KIF20B: variants seen among roughly 807,000 people sequenced by gnomAD.
KIF20B encodes kinesin-like protein KIF20B.
A neutral mutation model predicts 232.5 loss-of-function variants in KIF20B; 188 were observed. That is an observed-to-expected ratio of 0.81 (90% CI 0.72 to 0.91). The LOEUF is 0.91. Ranked by LOEUF, KIF20B falls within the 40% of genes least tolerant of loss-of-function variation. KIF20B has a pLI of 0.00. For synonymous variants in KIF20B, 712 were observed against 683.0 expected, an observed-to-expected ratio of 1.04 and a Z score of -0.66; for missense variants, 2,154 against 2,055.9, an observed-to-expected ratio of 1.05 and a Z score of -0.92.
intron 2 of KIF20B, 76 bp from the exon 3 acceptor site, chr10:89,709,091 G>A (rs1029605888): frequency 1.1e-6 from 1 of 915,858 alleles, no homozygotes; most frequent in Non-Finnish European, 1.8e-6. Context: ...GTAAAAAGTA[G>A]CCATGTTAAG....
chr10:89,738,367 G>T lies in KIF20B; in HGVS notation c.3526G>T (p.Glu1176Ter). The change falls in exon 20 of 33, where the codon GAA (glutamate) becomes TAA (stop). Residue 1176 changes from glutamate (E) to a stop codon, truncating the protein, a stop_gained. Coordinates refer to ENST00000371728, the MANE Select transcript of KIF20B (RefSeq NM_001284259.2). LOFTEE classifies it high-confidence loss of function. ...LETILETQKV[E>*]CSHSAKLEQD... The stretch of plus-strand genomic sequence containing the variant: ...AACAATTTTAGAGACTCAGAAAGTT[G>T]AATGTAGTCATTCAGCCAAGTTAGA... 1 of 1,609,244 alleles carries T rather than the reference G, an allele frequency of 6.2e-7. No individual in the cohort carries two copies. The highest frequency in any genetic ancestry group is 1.1e-5 in the South Asian group (1 of 89,512).
intron 31 of KIF20B, among the ~76,000 whole-genome samples, chr10:89,770,581 C>T (rs1433514517): frequency 6.6e-6 from 1 of 151,872 alleles, no homozygotes; most frequent in Non-Finnish European, 1.5e-5. Context: ...TAACAGCTTC[C>T]CTACCAATGC....
chr10:89,739,660 CTTTT>C (rs200053232), intron 21 of KIF20B, among the ~76,000 whole-genome samples: 2 of 139,738 alleles, frequency 1.4e-5, no homozygotes, highest in African/African-American at 5.2e-5. Flanking sequence ...GATTGGAGCA[CTTTT>C]TTTTTTTTTT....
In KIF20B at chr10:89,717,661, A is replaced by T. The variant is rs372350190; in HGVS notation, c.1210A>T (p.Asn404Tyr). 8.1e-6 allele frequency: 13 copies of T among 1,610,036 alleles called. No individual in the cohort carries two copies. The highest frequency in any genetic ancestry group is 1.1e-5 in the Non-Finnish European group (13 of 1,176,938). ...AAGGTTAAGAGAGACTGGGAATATC[A>T]ACACTTCTTTATTGACTCTGGGAAA... The part of the protein sequence containing the change: ...GERLRETGNI[N>Y]TSLLTLGKCI... The change falls in exon 11 of 33, where the codon AAC (asparagine) becomes TAC (tyrosine). Residue 404 changes from asparagine (N) to tyrosine (Y), a missense_variant. Physicochemically the swap from Asn to Tyr is moderately radical, Grantham distance 143. Transcript: ENST00000371728.
chr10:89,739,125 G>C (rs751354413), intron 21 of KIF20B, 29 bp downstream of exon 21: 4 of 1,602,504 alleles, frequency 2.5e-6, no homozygotes, highest in Non-Finnish European at 3.4e-6. Context: ...TATGTGGCCA[G>C]TTTATGATAA....
chr10:89,715,948 G>A (rs904909167), intron 8 of KIF20B, among the ~76,000 whole-genome samples: 6 of 151,994 alleles, frequency 3.9e-5, no homozygotes, highest in South Asian at 2.1e-4. Flanking sequence ...CCATGATCAC[G>A]CCTTTGCACT....
chr10:89,738,575 TA>T lies in KIF20B; in HGVS notation c.3738del (p.Glu1247LysfsTer14). 1 of 1,564,068 alleles carries T rather than the reference TA, an allele frequency of 6.4e-7. No homozygotes were observed. Among genetic ancestry groups the T allele is most frequent in the East Asian group, 2.3e-5 (1 of 44,196 alleles). ...NLQDMKHLLQ[L>X]KEEEEETNRQ... is the part of the protein sequence containing the mutation. The stretch of plus-strand genomic sequence containing the variant: ...CAAGATATGAAACATTTACTTCAAT[TA>T]AAAGAAGAAGAAGAAGAAACCAACA... On this transcript the variant is annotated frameshift_variant, in exon 20 of 33. Coordinates refer to ENST00000371728, the MANE Select transcript of KIF20B (RefSeq NM_001284259.2). LOFTEE classifies it high-confidence loss of function.
chr10:89,730,597 G>GGT (rs1843297611), intron 18 of KIF20B, among the ~76,000 whole-genome samples: 1 of 152,082 alleles, frequency 6.6e-6, no homozygotes, highest in African/African-American at 2.4e-5. Context: ...GAGACAAGAA[G>GGT]GTACATTGGC....
intron 23 of KIF20B, among the ~76,000 whole-genome samples, chr10:89,750,189 T>A (rs1009171668): frequency 6.6e-6 from 1 of 152,158 alleles, no homozygotes; most frequent in African/African-American, 2.4e-5. Context: ...GAGGTTACCA[T>A]TGGTGTTCTG....
In KIF20B at chr10:89,725,058, A is replaced by G; in HGVS notation, c.1901A>G (p.Asn634Ser). 1 of 1,613,842 alleles carries G rather than the reference A, an allele frequency of 6.2e-7. No individual in the cohort carries two copies. Among genetic ancestry groups the G allele is most frequent in the Non-Finnish European group, 8.5e-7 (1 of 1,179,808 alleles). The change falls in exon 15 of 33, where the codon AAT becomes AGT. Residue 634 changes from asparagine (N) to serine (S), a missense_variant. Physicochemically the swap from Asn to Ser is conservative, Grantham distance 46 (BLOSUM62 1). Transcript: ENST00000371728. ...CAAGAACGAGAGATATTAGAAGAAA[A>G]TGCTGAACGTCGTTTGGCTATCTTC... is the stretch of plus-strand genomic sequence containing the variant. Reference protein sequence around the residue: ...LLQEREILEENAERRLAIFKD... With the variant: ...LLQEREILEESAERRLAIFKD...
At chr10:89,724,738 T>C (rs911377337) in intron 14 of KIF20B, among the ~76,000 whole-genome samples, 3 of 152,068 alleles carry the variant, frequency 2.0e-5, no homozygotes, top group Admixed American at 2.0e-4. Flanking sequence ...TGCCTTAGCC[T>C]CCTGAGTAGC....
chr10:89,708,500 C>T (rs374228822), intron 2 of KIF20B, among the ~76,000 whole-genome samples: 34 of 152,140 alleles, frequency 2.2e-4, no homozygotes, highest in African/African-American at 7.2e-4. Flanking sequence ...CATGAGCCAC[C>T]GCTCCTGGCC....
chr10:89,742,580 C>G (rs1202769910), intron 21 of KIF20B, among the ~76,000 whole-genome samples: 2 of 151,424 alleles, frequency 1.3e-5, no homozygotes, highest in Non-Finnish European at 2.9e-5. Flanking sequence ...ACAAAATTAG[C>G]AAATATTATG....
Position 89,705,361 on chromosome 10 carries a change from G to T in KIF20B, c.67G>T (p.Ala23Ser), listed in dbSNP as rs143432523. Residue 23 changes from alanine (A) to serine (S), a missense_variant, in exon 2 of 33, where the codon GCA becomes TCA. Ala to Ser is a moderately conservative substitution (Grantham distance 99). Coordinates refer to ENST00000371728, the MANE Select transcript of KIF20B (RefSeq NM_001284259.2). ...TTATGTTTTTAGTGCTGACCCAATTGCAAGGCCTTCAGAAATAAATTTCGA... is the reference window on the plus strand; with the variant it reads ...TTATGTTTTTAGTGCTGACCCAATTTCAAGGCCTTCAGAAATAAATTTCGA... ...PSYVFSADPI[A>S]RPSEINFDGI... The T allele has an allele frequency of 6.2e-7, 1 of 1,613,850 alleles. No homozygotes were observed. The highest frequency in any genetic ancestry group is 8.5e-7 in the Non-Finnish European group (1 of 1,179,820).
intron 21 of KIF20B, among the ~76,000 whole-genome samples, chr10:89,740,280 T>TA (rs1227266641): frequency 1.3e-5 from 2 of 150,932 alleles, no homozygotes; most frequent in African/African-American, 2.4e-5. Context: ...TTTACTTATT[T>TA]AAAAAAAATT....
chr10:89,739,687 G>A (rs1841751184), intron 21 of KIF20B, among the ~76,000 whole-genome samples: 1 of 146,022 alleles, frequency 6.8e-6, no homozygotes, highest in African/African-American at 2.6e-5. Flanking sequence ...AAACTTTGAG[G>A]TAGTTACCAA....
Position 89,768,337 on chromosome 10 carries a change from T to A in KIF20B, c.5037T>A (p.Asn1679Lys). 6.3e-7 allele frequency: 1 copy of A among 1,594,284 alleles called. No individual in the cohort carries two copies. The highest frequency in any genetic ancestry group is 8.5e-7 in the Non-Finnish European group (1 of 1,169,968). Residue 1679 changes from asparagine (N) to lysine (K), a missense_variant, in exon 30 of 33, where the codon AAT becomes AAA. Coordinates refer to ENST00000371728, the MANE Select transcript of KIF20B (RefSeq NM_001284259.2). ...ENKKNATPRT[N>K]LKFPISDDRN... Reference sequence around the variant, plus strand: ...AGAAGAATGCTACACCCAGAACTAATTTGAAATTTCCTATTTCAGATGATA... The same window carrying A: ...AGAAGAATGCTACACCCAGAACTAAATTGAAATTTCCTATTTCAGATGATA...
chr10:89,758,593 T>C (rs1392769977), intron 26 of KIF20B, 113 bp from the exon 27 acceptor site: 3 of 614,862 alleles, frequency 4.9e-6, no homozygotes, highest in Non-Finnish European at 7.7e-6. Flanking sequence ...TTAATTTGTC[T>C]TGTAATCTTG....
chr10:89,758,094 A>G (rs1426896412), intron 26 of KIF20B, among the ~76,000 whole-genome samples: 2 of 151,942 alleles, frequency 1.3e-5, no homozygotes, highest in Non-Finnish European at 2.9e-5. Flanking sequence ...ATCTCCATAT[A>G]ATTTTTAGAG....
Sources: gnomAD v4.1 joint callset for allele counts (sites outside exome capture counted in the v4.1 genomes callset) on GRCh38, gnomAD v4.1.1 for gene constraint, MANE v1.5 for transcripts, NCBI Gene and HGNC (gene_info 2026-07-23, HGNC 2026-07-21) for gene names.